SLC25A21: variants seen among roughly 807,000 people sequenced by gnomAD.
SLC25A21 encodes the protein solute carrier family 25 member 21.
SLC25A21 carries 47 observed loss-of-function variants against 43.8 expected under a neutral mutation model. The observed-to-expected ratio is 1.07, with a 90% CI of 0.85 to 1.37. The LOEUF is 1.37. Ranked by LOEUF, SLC25A21 falls within the 40% of genes most tolerant of loss-of-function variation. The pLI is 0.00. For synonymous variants in SLC25A21, 131 were observed against 121.3 expected (o/e 1.08, Z -0.52); for missense variants, 352 against 350.2 (o/e 1.00, Z -0.04).
At chr14:37,166,917 G>C (rs546125517) in intron 1 of SLC25A21, among the ~76,000 whole-genome samples, 1 of 152,262 alleles carries the variant, frequency 6.6e-6, no homozygotes, top group East Asian at 1.9e-4. Context: ...TTCTAACAGG[G>C]ATCGAAAGCC....
chr14:36,886,176 T>G (rs1331357783), intron 1 of SLC25A21, among the ~76,000 whole-genome samples: 2 of 152,112 alleles, frequency 1.3e-5, no homozygotes, highest in Non-Finnish European at 2.9e-5. Context: ...GCCCAGAAAA[T>G]GTAGTAGCCC....
intron 1 of SLC25A21, among the ~76,000 whole-genome samples, chr14:36,943,526 A>G (rs548737367): frequency 6.6e-6 from 1 of 152,112 alleles, no homozygotes; most frequent in Non-Finnish European, 1.5e-5. Flanking sequence ...TTAGACATGT[A>G]GGGGTTTATT....
intron 2 of SLC25A21, among the ~76,000 whole-genome samples, chr14:36,837,967 C>T (rs1188389450): frequency 1.3e-5 from 2 of 152,212 alleles, no homozygotes; most frequent in Non-Finnish European, 2.9e-5. Context: ...GGAACCAAGT[C>T]ATCACCACAG....
At chr14:36,686,927 C>T (rs1331073691) in intron 7 of SLC25A21, among the ~76,000 whole-genome samples, 1 of 152,116 alleles carries the variant, frequency 6.6e-6, no homozygotes. Context: ...ATAGTGTTCA[C>T]TAGCAGGAGT....
chr14:36,848,150 C>T (rs1889607052), intron 2 of SLC25A21, among the ~76,000 whole-genome samples: 1 of 152,116 alleles, frequency 6.6e-6, no homozygotes, highest in African/African-American at 2.4e-5. Context: ...AAGTATTACC[C>T]ATCAGCCTCT....
At chr14:36,910,248 C>A (rs1891649203) in intron 1 of SLC25A21, among the ~76,000 whole-genome samples, 1 of 152,128 alleles carries the variant, frequency 6.6e-6, no homozygotes, top group South Asian at 2.1e-4. Flanking sequence ...TACAACTGAT[C>A]CTGCATTGGG....
intron 1 of SLC25A21, chr14:37,097,154 G>T (rs1002180123): frequency 6.6e-6 from 1 of 151,560 alleles, no homozygotes; most frequent in Non-Finnish European, 1.5e-5. Context: ...AGGCTGGAGC[G>T]CAGTGGTGCT....
At chr14:37,061,320 T>A (rs901647480) in intron 1 of SLC25A21, among the ~76,000 whole-genome samples, 2 of 152,194 alleles carry the variant, frequency 1.3e-5, no homozygotes, top group African/African-American at 4.8e-5. Flanking sequence ...TCCTCAAATG[T>A]CAGTTTGCAC....
chr14:36,763,096 CAA>C (rs1188871568), intron 3 of SLC25A21, among the ~76,000 whole-genome samples: 2 of 152,086 alleles, frequency 1.3e-5, no homozygotes, highest in East Asian at 3.9e-4. Context: ...CTTGGAATTT[CAA>C]AAAGTAAGAG....
chr14:36,881,217 C>T (rs985244706), intron 1 of SLC25A21, among the ~76,000 whole-genome samples: 1 of 152,164 alleles, frequency 6.6e-6, no homozygotes, highest in African/African-American at 2.4e-5. Context: ...ACAGAAAACA[C>T]AGATAATCAT....
intron 3 of SLC25A21, among the ~76,000 whole-genome samples, chr14:36,739,181 C>A (rs894456356): frequency 3.9e-5 from 6 of 152,110 alleles, no homozygotes; most frequent in Non-Finnish European, 7.4e-5. Context: ...GAAAACAGGT[C>A]TCTATTCCAA....
chr14:36,833,527 G>GAAGT (rs1474294568), intron 2 of SLC25A21, among the ~76,000 whole-genome samples: 3 of 152,172 alleles, frequency 2.0e-5, no homozygotes, highest in African/African-American at 7.2e-5. Context: ...GACTCAAACA[G>GAAGT]AAGTAAGTAC....
chr14:36,816,608 T>A (rs1282353294), intron 2 of SLC25A21, among the ~76,000 whole-genome samples: 1 of 151,266 alleles, frequency 6.6e-6, no homozygotes, highest in Non-Finnish European at 1.5e-5. Flanking sequence ...CCTCAAGGGA[T>A]CTTCCCACCT....
chr14:37,077,307 T>G (rs941233904), intron 1 of SLC25A21, among the ~76,000 whole-genome samples: 1 of 152,172 alleles, frequency 6.6e-6, no homozygotes, highest in Non-Finnish European at 1.5e-5. Context: ...AACAGGAAAA[T>G]AATGTCTTGA....
chr14:36,773,186 G>GAA lies in SLC25A21; in HGVS notation c.204-38615_204-38614dup, dbSNP rs35175418. 2.4e-4 allele frequency among the ~76,000 whole-genome samples: 36 copies of GAA among 147,932 alleles called. No homozygotes were observed. In the East Asian group the frequency reaches 2.6e-3, roughly 11 times the overall value. On this transcript the variant is annotated intron_variant, in intron 3 of 9. Transcript: ENST00000331299. Reference sequence around the variant, plus strand: ...ATGCACGATGACAGATTTCGAGAAGGAAAAAAAAAAAATCAGCTACCAGCC... The same window carrying GAA: ...ATGCACGATGACAGATTTCGAGAAGGAAAAAAAAAAAAAATCAGCTACCAGCC...
At chr14:36,926,510 A>G (rs778598372) in intron 1 of SLC25A21, among the ~76,000 whole-genome samples, 4 of 152,214 alleles carry the variant, frequency 2.6e-5, no homozygotes, top group Admixed American at 6.5e-5. Context: ...GACACTAAAA[A>G]GGAACTTCTT....
intron 1 of SLC25A21, among the ~76,000 whole-genome samples, chr14:36,956,777 T>G (rs1426472189): frequency 6.6e-6 from 1 of 152,190 alleles, no homozygotes; most frequent in African/African-American, 2.4e-5. Flanking sequence ...GAAATTTGAT[T>G]TTATGAAATG....
At chr14:36,958,005 T>C (rs1008189693) in intron 1 of SLC25A21, among the ~76,000 whole-genome samples, 8 of 152,202 alleles carry the variant, frequency 5.3e-5, no homozygotes, top group Non-Finnish European at 2.9e-5. Context: ...ACATAGGACA[T>C]GGCTGGGTTC....
intron 2 of SLC25A21, among the ~76,000 whole-genome samples, chr14:36,873,614 CTT>C (rs1159939353): frequency 6.6e-6 from 1 of 152,164 alleles, no homozygotes; most frequent in Non-Finnish European, 1.5e-5. Flanking sequence ...TCTTCTTTCT[CTT>C]TGAGTTTAGT....
Sources: allele counts gnomAD v4.1 joint callset (sites outside exome capture counted in the v4.1 genomes callset), GRCh38; gene constraint gnomAD v4.1.1; transcripts MANE v1.5; gene names NCBI Gene and HGNC (gene_info 2026-07-23, HGNC 2026-07-21).